The following RARB variants were observed in gnomAD, a reference collection of about 807,000 sequenced individuals.
The protein encoded by RARB is HBV-activated protein.
In RARB, 17 loss-of-function variants were observed where a neutral mutation model predicts 51.9. That is an observed-to-expected ratio of 0.33 (90% confidence interval 0.22 to 0.49). The LOEUF (loss-of-function observed/expected upper bound fraction) is 0.49, where lower values mean the gene tolerates loss of function less well. RARB is among the 20% of genes least tolerant of loss of function. The pLI is 0.99. For missense variants in RARB, 369 were observed against 550.8 expected (o/e 0.67, Z 3.30); for synonymous variants, 215 against 195.4 (o/e 1.10, Z -0.84).
chr3:25,532,278 A>G (rs1290622196), intron 3 of RARB, among the ~76,000 whole-genome samples: 1 of 152,158 alleles, frequency 6.6e-6, no homozygotes, highest in Non-Finnish European at 1.5e-5. Flanking sequence ...CACTTGAAAT[A>G]TGTTTTCAAT....
At chr3:24,906,079 A>G (rs1384613158) in intron 2 of RARB, among the ~76,000 whole-genome samples, 2 of 152,230 alleles carry the variant, frequency 1.3e-5, no homozygotes, top group African/African-American at 4.8e-5. Context: ...ACAAAAAATT[A>G]GAACAAAGGA....
At chr3:25,263,006 T>C (rs1703042739) in intron 5 of RARB, among the ~76,000 whole-genome samples, 1 of 152,180 alleles carries the variant, frequency 6.6e-6, no homozygotes, top group Non-Finnish European at 1.5e-5. Flanking sequence ...GTAGACTTTC[T>C]ATAATATAGG....
intron 5 of RARB, among the ~76,000 whole-genome samples, chr3:25,222,527 A>C (rs1701969345): frequency 6.6e-6 from 1 of 152,192 alleles, no homozygotes; most frequent in South Asian, 2.1e-4. Context: ...AAACTTACAC[A>C]ATGATGCCAC....
intron 3 of RARB, among the ~76,000 whole-genome samples, chr3:25,510,847 C>A (rs749910514): frequency 6.6e-6 from 1 of 152,198 alleles, no homozygotes; most frequent in Non-Finnish European, 1.5e-5. Context: ...GATGCCAATA[C>A]AGCCTTAATT....
chr3:25,035,047 ATAGGT>A (rs1697957164), intron 2 of RARB, among the ~76,000 whole-genome samples: 1 of 152,228 alleles, frequency 6.6e-6, no homozygotes, highest in African/African-American at 2.4e-5. Flanking sequence ...AGAAATATTA[ATAGGT>A]TAGGATCGTA....
chr3:25,255,453 G>A (rs1702841323), intron 5 of RARB, among the ~76,000 whole-genome samples: 1 of 152,068 alleles, frequency 6.6e-6, no homozygotes, highest in African/African-American at 2.4e-5. Context: ...CCATCCCTCA[G>A]AAAGGGTACA....
intron 2 of RARB, among the ~76,000 whole-genome samples, chr3:24,931,218 T>C (rs946433640): frequency 6.6e-6 from 1 of 152,104 alleles, no homozygotes; most frequent in African/African-American, 2.4e-5. Context: ...CCAGTCTCCA[T>C]GCATGTATTT....
At chr3:25,007,987 G>A (rs1365684376) in intron 2 of RARB, among the ~76,000 whole-genome samples, 1 of 152,086 alleles carries the variant, frequency 6.6e-6, no homozygotes, top group Non-Finnish European at 1.5e-5. Context: ...TTGTGGGTAT[G>A]TTAAAATAAG....
chr3:25,273,348 A>G (rs1242791175), intron 5 of RARB, among the ~76,000 whole-genome samples: 3 of 152,254 alleles, frequency 2.0e-5, no homozygotes, highest in Non-Finnish European at 4.4e-5. Flanking sequence ...TACTTCAGAA[A>G]TGTTTACAAG....
At chr3:25,442,584 A>T (rs1708747562) in intron 1 of RARB, among the ~76,000 whole-genome samples, 1 of 151,524 alleles carries the variant, frequency 6.6e-6, no homozygotes, top group African/African-American at 2.4e-5. Flanking sequence ...TTCAGCCTTT[A>T]CTCTTCTCTC....
At chr3:24,901,234 A>G (rs891569587) in intron 2 of RARB, among the ~76,000 whole-genome samples, 27 of 152,346 alleles carry the variant, frequency 1.8e-4, no homozygotes, top group Non-Finnish European at 3.5e-4. Flanking sequence ...GGGAACTGCA[A>G]TTGTCAATGA....
chr3:24,983,653 C>T (rs995236629), intron 2 of RARB, among the ~76,000 whole-genome samples: 1 of 151,974 alleles, frequency 6.6e-6, no homozygotes, highest in Admixed American at 6.6e-5. Flanking sequence ...AGAACTGTTG[C>T]TTTTTTGAAT....
intron 5 of RARB, among the ~76,000 whole-genome samples, chr3:25,250,558 G>C (rs1413550638): frequency 6.6e-6 from 1 of 152,116 alleles, no homozygotes; most frequent in African/African-American, 2.4e-5. Flanking sequence ...GGGGATTGTG[G>C]GGTCACTGAC....
chr3:25,593,477 A>T, intron 5 of RARB, 26 bp from the exon 6 acceptor site: 1 of 1,588,118 alleles, frequency 6.3e-7, no homozygotes, highest in Non-Finnish European at 8.6e-7. Context: ...GGCTTAGAAC[A>T]TCCATCAATT....
chr3:25,502,455 G>A (rs1031480913), intron 3 of RARB, among the ~76,000 whole-genome samples: 2 of 152,184 alleles, frequency 1.3e-5, no homozygotes, highest in Admixed American at 1.3e-4. Flanking sequence ...CTCAGGGATT[G>A]TAGCAGATGT....
intron 5 of RARB, among the ~76,000 whole-genome samples, chr3:25,270,681 A>G (rs906818427): frequency 2.0e-5 from 3 of 152,188 alleles, no homozygotes; most frequent in Admixed American, 6.5e-5. Flanking sequence ...TTTGTTTACA[A>G]AGCACACATA....
intron 5 of RARB, among the ~76,000 whole-genome samples, chr3:25,205,650 A>G (rs1307872018): frequency 6.6e-6 from 1 of 152,006 alleles, no homozygotes; most frequent in Non-Finnish European, 1.5e-5. Flanking sequence ...ATTATTATGC[A>G]CTGTATGCCC....
chr3:25,324,963 T>C (rs1219880050), intron 5 of RARB, among the ~76,000 whole-genome samples: 1 of 152,168 alleles, frequency 6.6e-6, no homozygotes, highest in East Asian at 1.9e-4. Flanking sequence ...AGAAAGAATT[T>C]AGGGCAAGTC....
At chr3:25,048,234 C>A (rs1698256110) in intron 2 of RARB, among the ~76,000 whole-genome samples, 1 of 152,096 alleles carries the variant, frequency 6.6e-6, no homozygotes. Context: ...TATATATTAT[C>A]TACTTAGTGA....
Sources: allele counts gnomAD v4.1 joint callset (sites outside exome capture counted in the v4.1 genomes callset), GRCh38; gene constraint gnomAD v4.1.1; transcripts MANE v1.5; gene names NCBI Gene and HGNC (gene_info 2026-07-23, HGNC 2026-07-21).